HHIPL1: variants seen among roughly 807,000 people sequenced by gnomAD.
HHIPL1 encodes the protein HHIP-like protein 1.
HHIPL1 carries 43 observed loss-of-function variants against 61.8 expected under a neutral mutation model. The observed-to-expected ratio is 0.70, with a 90% CI of 0.55 to 0.90. The LOEUF (loss-of-function observed/expected upper bound fraction) is 0.90. Among genes scored for constraint, HHIPL1 ranks in the 40% least tolerant of loss-of-function variants. HHIPL1 has a pLI of 0.00. For synonymous variants in HHIPL1, 482 were observed against 515.8 expected, an observed-to-expected ratio of 0.93 and a Z score of 0.89; for missense variants, 1,056 against 1,157.7, an observed-to-expected ratio of 0.91 and a Z score of 1.28.
intron 7 of HHIPL1, among the ~76,000 whole-genome samples, chr14:99,671,653 T>G (rs972570502): frequency 3.9e-5 from 6 of 152,214 alleles, no homozygotes; most frequent in African/African-American, 1.4e-4. Context: ...TTCCATTCCC[T>G]ATTGTGCCCT....
chr14:99,631,110 C>CTTTCTT, the HHIPL1 span, among the ~76,000 whole-genome samples: 1 of 89,572 alleles, frequency 1.1e-5, no homozygotes, highest in African/African-American at 4.0e-5. Context: ...CTTTCTTTCT[C>CTTTCTT]TCTCTTTCTT....
chr14:99,652,116 T>C, intron 1 of HHIPL1, 108 bp from the exon 2 acceptor site: 2 of 1,035,972 alleles, frequency 1.9e-6, no homozygotes, highest in South Asian at 1.6e-5. Context: ...TGTCTCCATT[T>C]TATGGATCAG....
intron 6 of HHIPL1, among the ~76,000 whole-genome samples, chr14:99,667,235 G>A (rs59861538): frequency 0.035 from 5,286 of 152,132 alleles, 296 homozygotes; most frequent in African/African-American, 0.12. Flanking sequence ...TGGGGCTGGG[G>A]CAGCAGACTT....
In HHIPL1 at chr14:99,668,301, C is replaced by A. The variant is rs763928804; in HGVS notation, c.1728C>A (p.Ser576=). 3 of 1,597,478 alleles carry A rather than the reference C, an allele frequency of 1.9e-6. No homozygotes were observed. Among genetic ancestry groups the A allele is most frequent in the Non-Finnish European group, 2.6e-6 (3 of 1,165,150 alleles). The change falls in exon 7 of 9, where the codon TCC becomes TCA. Residue 576 remains serine (S), a splice_region_variant and synonymous_variant. Transcript: ENST00000330710. The surrounding 1 kb of genome is among the most constrained non-coding windows in gnomAD (Gnocchi z 4.7). ...TTGTCTACAAAATAATTGACGCATC[C>A]AGGTGAGTCCCAGCCTCCAGGACAG... is the stretch of plus-strand genomic sequence containing the variant. The part of the protein sequence containing the change: ...RGVVYKIIDA[S]RRAPPGKCQI...
At position 99,669,261 on chromosome 14, in the gene HHIPL1, A is replaced by G. The variant is rs183142987; in HGVS notation, c.1730+958A>G. 14 of 1,073,654 alleles carry G rather than the reference A, an allele frequency of 1.3e-5. No individual in the cohort carries two copies. The African/African-American group carries it at 2.1e-4, about 16-fold the overall frequency. The allele number at this position is 1,073,654 out of a possible 1,614,324, so 66.5% of individuals were successfully genotyped here. On this transcript the variant is annotated intron_variant, in intron 7 of 8. Transcript: ENST00000330710. ...CTCAGGAACACTTGATGAATAAATGAGTGATCAGCTTTCTAAGCTGCTTCT... is the reference window on the plus strand; with the variant it reads ...CTCAGGAACACTTGATGAATAAATGGGTGATCAGCTTTCTAAGCTGCTTCT...
chr14:99,655,560 G>A lies in HHIPL1; in HGVS notation c.903-1440G>A, dbSNP rs564841057. 4.6e-5 allele frequency among the ~76,000 whole-genome samples: 7 copies of A among 152,246 alleles called. No homozygotes were observed. The East Asian group carries it at 9.6e-4, about 21-fold the overall frequency. ...GATCCCTTGATCCCAGGAGTTCGAG[G>A]CTACAGTGAGCTATGACCACATCAC... On this transcript the variant is annotated intron_variant, in intron 2 of 8. Coordinates refer to ENST00000330710, the MANE Select transcript of HHIPL1 (RefSeq NM_001127258.3).
chr14:99,631,108 C>CTTTCTTTCTT, the HHIPL1 span, among the ~76,000 whole-genome samples: 2 of 126,798 alleles, frequency 1.6e-5, no homozygotes, highest in Admixed American at 7.8e-5. Context: ...TTCTTTCTTT[C>CTTTCTTTCTT]TCTCTCTTTC....
At chr14:99,615,735 G>A in the HHIPL1 span, among the ~76,000 whole-genome samples, 4 of 151,794 alleles carry the variant, frequency 2.6e-5, no homozygotes, top group East Asian at 3.9e-4. Flanking sequence ...AAGAAAGAAA[G>A]AAAAAAAGAC....
Position 99,660,150 on chromosome 14 carries a change from CCAG to C in HHIPL1, c.1376-128_1376-126del. 27 of 1,143,768 alleles carry C rather than the reference CCAG, an allele frequency of 2.4e-5. No homozygotes were observed. Among genetic ancestry groups the C allele is most frequent in the Middle Eastern group, 2.9e-4 (1 of 3,494 alleles). 70.9% of individuals were successfully genotyped at this position (1,143,768 alleles called of 1,614,324 possible). ...CCACGCCAGCCCTGCTGTGGGCACG[CCAG>C]CCCTGCTGTGGGCACGCCCCTCCCT... is the stretch of plus-strand genomic sequence containing the variant. On this transcript the variant is annotated intron_variant, in intron 4 of 8. Transcript: ENST00000330710. This position sits in a 1 kb window ranked among gnomAD's most constrained non-coding sequence, Gnocchi z 4.9.
upstream of HHIPL1, among the ~76,000 whole-genome samples, chr14:99,644,413 C>A (rs2055793324): frequency 7.3e-6 from 1 of 136,414 alleles, no homozygotes; most frequent in Admixed American, 8.6e-5. Context: ...GGTTTTGGTG[C>A]CATGAGATTC....
Position 99,660,229 on chromosome 14 carries a change from G to T in HHIPL1, c.1376-51G>T, listed in dbSNP as rs1204549254. ...TCCCTCCGGAATTCTCCTGGCTGATGAACCTTCCCGCCGCTGGCTCACCGA... is the reference window on the plus strand; with the variant it reads ...TCCCTCCGGAATTCTCCTGGCTGATTAACCTTCCCGCCGCTGGCTCACCGA... On this transcript the variant is annotated intron_variant, in intron 4 of 8. Transcript: ENST00000330710. The surrounding 1 kb of genome is among the most constrained non-coding windows in gnomAD (Gnocchi z 4.9). The T allele has an allele frequency of 2.5e-6, 4 of 1,606,430 alleles. No homozygotes were observed. Among genetic ancestry groups the T allele is most frequent in the Non-Finnish European group, 3.4e-6 (4 of 1,176,400 alleles).
chr14:99,650,806 C>A (rs934241788), intron 1 of HHIPL1, among the ~76,000 whole-genome samples: 1 of 152,246 alleles, frequency 6.6e-6, no homozygotes, highest in East Asian at 1.9e-4. Context: ...GCTTCCCCCA[C>A]GGCCATGGCC....
chr14:99,644,667 A>C (rs976988358), upstream of HHIPL1, among the ~76,000 whole-genome samples: 17 of 152,264 alleles, frequency 1.1e-4, no homozygotes, highest in African/African-American at 3.9e-4. Context: ...CAAAGGGTGG[A>C]CTGCGGAGAC....
chr14:99,645,295 T>C lies in HHIPL1; in HGVS notation c.88T>C (p.Phe30Leu). 1 of 1,449,734 alleles carries C rather than the reference T, an allele frequency of 6.9e-7. No individual in the cohort carries two copies. 89.8% of individuals were successfully genotyped at this position (1,449,734 alleles called of 1,614,324 possible). Residue 30 changes from phenylalanine (F) to leucine (L), a missense_variant, in exon 1 of 9, where the codon TTC becomes CTC. Transcript: ENST00000330710. ...HPQCLDFRPPFRPTQPLRLCA... is the reference protein window; with the variant it reads ...HPQCLDFRPPLRPTQPLRLCA... ...GCAGTGCCTGGACTTCAGGCCGCCC[T>C]TCCGGCCGACGCAGCCGCTGCGCCT...
the HHIPL1 span, among the ~76,000 whole-genome samples, chr14:99,618,490 GCCTGGC>G: frequency 0.18 from 27,000 of 152,224 alleles, 2,861 homozygotes; most frequent in African/African-American, 0.29. Context: ...TGGTTGCCAG[GCCTGGC>G]AGGGACATGA....
intron 2 of HHIPL1, among the ~76,000 whole-genome samples, chr14:99,656,784 AAG>A (rs72341366): frequency 0.65 from 32,358 of 49,918 alleles, 8,584 homozygotes; most frequent in East Asian, 0.73. Context: ...GCAAAAAGAA[AAG>A]AAAAGAAAGA....
chr14:99,657,209 A>G, intron 3 of HHIPL1, 66 bp downstream of exon 3: 1 of 1,556,980 alleles, frequency 6.4e-7, no homozygotes, highest in Non-Finnish European at 8.8e-7. Flanking sequence ...ATACTCTTCC[A>G]GAGGGTGAGT....
chr14:99,619,975 C>A, the HHIPL1 span, among the ~76,000 whole-genome samples: 1 of 152,188 alleles, frequency 6.6e-6, no homozygotes, highest in Non-Finnish European at 1.5e-5. Context: ...GATGAGGATC[C>A]GGCCTTTCTC....
chr14:99,667,477 C>T (rs942967051), intron 6 of HHIPL1, among the ~76,000 whole-genome samples: 3 of 152,136 alleles, frequency 2.0e-5, no homozygotes, highest in African/African-American at 7.2e-5. Context: ...GGGCTCAGAA[C>T]TCCAACGGTT....
Sources: gnomAD v4.1 joint callset for allele counts (sites outside exome capture counted in the v4.1 genomes callset) on GRCh38, gnomAD v4.1.1 for gene constraint, Gnocchi (gnomAD v3.1) non-coding constraint, MANE v1.5 for transcripts, NCBI Gene and HGNC (gene_info 2026-07-23, HGNC 2026-07-21) for gene names.